DIAPH3: variants seen among roughly 807,000 people sequenced by gnomAD.
DIAPH3 encodes protein diaphanous homolog 3.
Under a neutral mutation model 144.3 loss-of-function variants are expected in DIAPH3, and 117 were observed. That is an observed-to-expected ratio of 0.81 (90% CI 0.70 to 0.95). DIAPH3 has a LOEUF of 0.95. Among genes scored for constraint, DIAPH3 ranks in the 40% least tolerant of loss-of-function variants. The pLI, the probability that DIAPH3 is intolerant of heterozygous loss-of-function variation, is 0.00. For missense variants in DIAPH3, 1,421 were observed against 1,412.7 expected, an observed-to-expected ratio of 1.01 and a Z score of -0.09; for synonymous variants, 519 against 488.9, an observed-to-expected ratio of 1.06 and a Z score of -0.81.
At chr13:60,034,513 C>T (rs940415173) in intron 5 of DIAPH3, 3 of 152,176 alleles carry the variant, frequency 2.0e-5, no homozygotes, top group African/African-American at 7.2e-5. Context: ...AGTGGCTATT[C>T]ACAAGCACAA....
intron 17 of DIAPH3, among the ~76,000 whole-genome samples, chr13:59,966,639 G>A (rs567278881): frequency 6.6e-6 from 1 of 152,194 alleles, no homozygotes; most frequent in African/African-American, 2.4e-5. Flanking sequence ...CCACTTACTT[G>A]ACAACAAATA....
intron 23 of DIAPH3, among the ~76,000 whole-genome samples, chr13:59,835,384 C>T (rs1056065092): frequency 1.3e-5 from 2 of 151,470 alleles, no homozygotes; most frequent in African/African-American, 2.4e-5. Flanking sequence ...TATGATATTA[C>T]GTAGAGTGAC....
intron 24 of DIAPH3, among the ~76,000 whole-genome samples, chr13:59,825,199 C>CT (rs1566369065): frequency 1.3e-5 from 2 of 152,006 alleles, no homozygotes; most frequent in African/African-American, 4.8e-5. Flanking sequence ...CCCCCTACCC[C>CT]ACAACAGTCC....
intron 27 of DIAPH3, among the ~76,000 whole-genome samples, chr13:59,703,109 C>T (rs1375578087): frequency 2.0e-5 from 3 of 152,134 alleles, no homozygotes; most frequent in African/African-American, 7.2e-5. Context: ...TCCTTATATA[C>T]ATGTAAAACT....
At chr13:59,755,487 T>C (rs2037210490) in intron 27 of DIAPH3, among the ~76,000 whole-genome samples, 2 of 151,800 alleles carry the variant, frequency 1.3e-5, no homozygotes, top group African/African-American at 2.4e-5. Context: ...CAGGATGAAG[T>C]TCAATTAAGA....
chr13:59,846,818 G>A (rs557737488), intron 22 of DIAPH3, among the ~76,000 whole-genome samples: 1 of 152,216 alleles, frequency 6.6e-6, no homozygotes, highest in Admixed American at 6.5e-5. Flanking sequence ...GTTCACTCCT[G>A]TAATCTCAGC....
intron 2 of DIAPH3, among the ~76,000 whole-genome samples, chr13:60,114,287 G>A (rs569538212): frequency 8.1e-5 from 12 of 148,944 alleles, no homozygotes; most frequent in East Asian, 1.9e-4. Context: ...AAAAAAACAC[G>A]GATGAATTAG....
At chr13:60,081,184 C>T (rs1179026169) in intron 4 of DIAPH3, among the ~76,000 whole-genome samples, 1 of 151,806 alleles carries the variant, frequency 6.6e-6, no homozygotes, top group African/African-American at 2.4e-5. Context: ...TCTGAATTTC[C>T]CAACTATCAA....
chr13:60,087,182 T>C (rs960140401), intron 4 of DIAPH3, among the ~76,000 whole-genome samples: 1 of 152,212 alleles, frequency 6.6e-6, no homozygotes, highest in Non-Finnish European at 1.5e-5. Context: ...AACCTACGGT[T>C]AGTTGAATTC....
chr13:59,799,431 T>C (rs572830563), intron 25 of DIAPH3, among the ~76,000 whole-genome samples: 27 of 147,452 alleles, frequency 1.8e-4, no homozygotes, highest in African/African-American at 5.3e-4. Flanking sequence ...AGAAGGAGAA[T>C]TGACTACATT....
chr13:59,799,305 G>A (rs980032394), intron 25 of DIAPH3, among the ~76,000 whole-genome samples: 2 of 151,514 alleles, frequency 1.3e-5, no homozygotes, highest in Non-Finnish European at 2.9e-5. Context: ...GAAGAAGGGA[G>A]ATAAGAAGAG....
chr13:60,117,320 T>C (rs1048883717), intron 2 of DIAPH3, among the ~76,000 whole-genome samples: 7 of 151,964 alleles, frequency 4.6e-5, no homozygotes, highest in African/African-American at 1.4e-4. Flanking sequence ...ATGGTCAAAA[T>C]AGTAATATGA....
intron 19 of DIAPH3, 91 bp downstream of exon 19, chr13:59,916,064 T>G: frequency 9.3e-7 from 1 of 1,073,520 alleles, no homozygotes; most frequent in Admixed American, 1.8e-5. Context: ...TTGAATGATT[T>G]GGGTGAAGAA....
At chr13:59,777,202 A>C (rs2038465270) in intron 25 of DIAPH3, among the ~76,000 whole-genome samples, 1 of 152,182 alleles carries the variant, frequency 6.6e-6, no homozygotes, top group African/African-American at 2.4e-5. Flanking sequence ...GAAAGTGCTC[A>C]AAAATAGATA....
intron 20 of DIAPH3, among the ~76,000 whole-genome samples, chr13:59,894,545 G>A (rs1191241843): frequency 6.6e-5 from 10 of 150,650 alleles, no homozygotes; most frequent in Admixed American, 6.6e-4. Flanking sequence ...AAAAGAAAGA[G>A]AGAAGAAAAG....
At chr13:59,848,604 A>G (rs1314428539) in intron 22 of DIAPH3, among the ~76,000 whole-genome samples, 1 of 132,138 alleles carries the variant, frequency 7.6e-6, no homozygotes, top group East Asian at 2.2e-4. Context: ...ACTGAGAATG[A>G]TGATTTCCAA....
chr13:59,697,122 A>G (rs2033842256), intron 27 of DIAPH3, among the ~76,000 whole-genome samples: 1 of 151,976 alleles, frequency 6.6e-6, no homozygotes, highest in Admixed American at 6.6e-5. Context: ...ACTACTCCAC[A>G]TGCTGACAAT....
chr13:59,916,024 A>G, intron 19 of DIAPH3, 131 bp downstream of exon 19: 4 of 777,988 alleles, frequency 5.1e-6, no homozygotes, highest in Non-Finnish European at 8.8e-6. Flanking sequence ...AAGTTATGCT[A>G]AAACTAATTA....
chr13:59,873,693 T>C (rs1318642287), intron 21 of DIAPH3, among the ~76,000 whole-genome samples: 1 of 151,308 alleles, frequency 6.6e-6, no homozygotes. Flanking sequence ...TTTTTTTTTT[T>C]TTCACTCTTT....
Sources: allele counts gnomAD v4.1 joint callset (sites outside exome capture counted in the v4.1 genomes callset), GRCh38; gene constraint gnomAD v4.1.1; transcripts MANE v1.5; gene names NCBI Gene and HGNC (gene_info 2026-07-23, HGNC 2026-07-21).